GFRAL: variants seen among roughly 807,000 people sequenced by gnomAD.
GFRAL encodes the protein GDNF family receptor alpha-like.
Under a neutral mutation model 45.4 loss-of-function variants are expected in GFRAL, and 36 were observed. The observed-to-expected ratio is 0.79, with a 90% CI of 0.61 to 1.05. The LOEUF (loss-of-function observed/expected upper bound fraction) is 1.05. Among genes scored for constraint, GFRAL ranks in the 50% least tolerant of loss-of-function variants. The pLI, the probability that GFRAL is intolerant of heterozygous loss-of-function variation, is 0.00. For synonymous variants in GFRAL, 166 were observed against 154.1 expected (o/e 1.08, Z -0.57); for missense variants, 507 against 467.5 (o/e 1.08, Z -0.78).
intron 6 of GFRAL, among the ~76,000 whole-genome samples, chr6:55,370,312 T>C (rs912115477): frequency 1.3e-5 from 2 of 152,138 alleles, no homozygotes; most frequent in African/African-American, 4.8e-5. Flanking sequence ...CTTCCCTTTC[T>C]AATTTTGCCA....
chr6:55,395,162 G>GAAAAAAAAAAA, intron 6 of GFRAL, among the ~76,000 whole-genome samples: 1 of 125,194 alleles, frequency 8.0e-6, no homozygotes, highest in Non-Finnish European at 1.6e-5. Flanking sequence ...TCAGCCTATG[G>GAAAAAAAAAAA]AAAAAAAAAA....
chr6:55,397,993 T>C (rs993012985), intron 6 of GFRAL, among the ~76,000 whole-genome samples: 1 of 152,198 alleles, frequency 6.6e-6, no homozygotes, highest in Non-Finnish European at 1.5e-5. Context: ...ACTGTGCATG[T>C]TTGTAACCTA....
At chr6:55,374,598 T>C (rs563261750) in intron 6 of GFRAL, among the ~76,000 whole-genome samples, 8 of 152,212 alleles carry the variant, frequency 5.3e-5, no homozygotes, top group African/African-American at 1.4e-4. Flanking sequence ...ACTCTGATGA[T>C]AGTTTATTTT....
intron 6 of GFRAL, among the ~76,000 whole-genome samples, chr6:55,397,442 C>T (rs1012928519): frequency 4.9e-5 from 6 of 123,480 alleles, no homozygotes; most frequent in South Asian, 2.5e-4. Flanking sequence ...GGCGTGAACC[C>T]GGGAAGCGGA....
intron 5 of GFRAL, 113 bp downstream of exon 5, chr6:55,351,696 T>G (rs761396390): frequency 1.3e-5 from 9 of 671,728 alleles, no homozygotes; most frequent in Non-Finnish European, 2.2e-5. Flanking sequence ...TCATCCAACA[T>G]AGTGTAAATA....
At chr6:55,335,426 TAAA>T (rs1375758103) in intron 3 of GFRAL, among the ~76,000 whole-genome samples, 1 of 152,154 alleles carries the variant, frequency 6.6e-6, no homozygotes, top group African/African-American at 2.4e-5. Context: ...AAGAGTGTCT[TAAA>T]AAACAGAATT....
intron 6 of GFRAL, among the ~76,000 whole-genome samples, chr6:55,386,399 G>A (rs891183678): frequency 2.0e-5 from 3 of 152,126 alleles, no homozygotes; most frequent in Non-Finnish European, 4.4e-5. Flanking sequence ...AATCCAGTAT[G>A]TTGGTCATTA....
intron 6 of GFRAL, among the ~76,000 whole-genome samples, chr6:55,369,361 G>A (rs527844531): frequency 9.9e-5 from 15 of 152,200 alleles, no homozygotes; most frequent in South Asian, 2.1e-4. Context: ...CTAGTGAGAT[G>A]AACCCGGTAC....
At chr6:55,395,175 A>AAATATATATATATATATATATATAT in intron 6 of GFRAL, among the ~76,000 whole-genome samples, 2 of 123,508 alleles carry the variant, frequency 1.6e-5, no homozygotes, top group African/African-American at 6.9e-5. Context: ...AAAAAAAAAA[A>AAATATATATATATATATATATATAT]ATATATATAT....
At chr6:55,374,215 T>C (rs1768494702) in intron 6 of GFRAL, among the ~76,000 whole-genome samples, 1 of 152,232 alleles carries the variant, frequency 6.6e-6, no homozygotes, top group African/African-American at 2.4e-5. Context: ...AACATATCCA[T>C]GCACATATCT....
chr6:55,389,450 C>T (rs1375616669), intron 6 of GFRAL, among the ~76,000 whole-genome samples: 1 of 151,876 alleles, frequency 6.6e-6, no homozygotes, highest in Non-Finnish European at 1.5e-5. Context: ...AATGTGTAAC[C>T]ACTAGCAAAA....
At chr6:55,362,910 A>G (rs1444370942) in intron 6 of GFRAL, among the ~76,000 whole-genome samples, 1 of 150,330 alleles carries the variant, frequency 6.7e-6, no homozygotes, top group Non-Finnish European at 1.5e-5. Context: ...AAGAGAAAAC[A>G]GGAAGGAAGA....
intron 3 of GFRAL, among the ~76,000 whole-genome samples, chr6:55,335,312 T>C (rs1430116383): frequency 6.6e-6 from 1 of 152,210 alleles, no homozygotes; most frequent in East Asian, 1.9e-4. Flanking sequence ...ATTTTAAAAT[T>C]GGTGTTTGGT....
intron 6 of GFRAL, among the ~76,000 whole-genome samples, chr6:55,395,277 T>TG (rs1352564162): frequency 6.6e-6 from 1 of 151,320 alleles, no homozygotes; most frequent in Admixed American, 6.6e-5. Context: ...CATCAAAACC[T>TG]GTCTGGACAA....
chr6:55,333,910 C>A lies in GFRAL; in HGVS notation c.282C>A (p.Asn94Lys), dbSNP rs764669445. The change falls in exon 3 of 9, where the codon AAC becomes AAA. Residue 94 changes from asparagine to lysine, a missense_variant. Asn to Lys is a moderately conservative substitution (Grantham distance 94, BLOSUM62 0). Transcript: ENST00000340465. ...CTGATGACTTCTATTGTACTGTGAACAAACTGCTTGGAAAAAAATGTATCA... is the reference window on the plus strand; with the variant it reads ...CTGATGACTTCTATTGTACTGTGAAAAAACTGCTTGGAAAAAAATGTATCA... Reference protein sequence around the residue: ...LCTDDFYCTVNKLLGKKCINK... With the variant: ...LCTDDFYCTVKKLLGKKCINK... The A allele has an allele frequency of 3.6e-5, 57 of 1,567,008 alleles. No individual in the cohort carries two copies. Among genetic ancestry groups the A allele is most frequent in the Non-Finnish European group, 4.7e-5 (54 of 1,157,470 alleles).
intron 6 of GFRAL, among the ~76,000 whole-genome samples, chr6:55,389,439 TA>T (rs1768719925): frequency 5.9e-5 from 9 of 152,294 alleles, no homozygotes; most frequent in Non-Finnish European, 1.5e-5. Context: ...TAGGTAATAC[TA>T]ATGTGTAACC....
chr6:55,375,015 G>C (rs1003991436), intron 6 of GFRAL, among the ~76,000 whole-genome samples: 4 of 152,018 alleles, frequency 2.6e-5, no homozygotes, highest in African/African-American at 9.7e-5. Flanking sequence ...ATACTGTTTT[G>C]GTTACTGTAG....
At position 55,371,637 on chromosome 6, in the gene GFRAL, A is replaced by G. The variant is rs1321050166; in HGVS notation, c.952+12499A>G. On this transcript the variant is annotated intron_variant, in intron 6 of 8. Coordinates refer to ENST00000340465, the MANE Select transcript of GFRAL (RefSeq NM_207410.2). ...AAGTTATCTTCTATTCATGGAATGCAAATCACTTTTAAACAACAAATGAAT... is the reference window on the plus strand; with the variant it reads ...AAGTTATCTTCTATTCATGGAATGCGAATCACTTTTAAACAACAAATGAAT... Among the ~76,000 whole-genome samples, 3 of 152,208 alleles carry G rather than the reference A, an allele frequency of 2.0e-5. No individual in the cohort carries two copies. The East Asian group carries it at 5.8e-4, about 29-fold the overall frequency.
chr6:55,348,880 T>C (rs951367952), intron 3 of GFRAL, among the ~76,000 whole-genome samples: 1 of 152,144 alleles, frequency 6.6e-6, no homozygotes, highest in African/African-American at 2.4e-5. Context: ...TTTTAGTCAG[T>C]GGCACAGCCT....
Sources: gnomAD v4.1 joint callset for allele counts (sites outside exome capture counted in the v4.1 genomes callset) on GRCh38, gnomAD v4.1.1 for gene constraint, MANE v1.5 for transcripts, NCBI Gene and HGNC (gene_info 2026-07-23, HGNC 2026-07-21) for gene names.